Variants in TEX11 observed in about 807,000 individuals in gnomAD.
The protein encoded by TEX11 is testis expressed 11, also known as testis-expressed protein 11.
A neutral mutation model predicts 84.4 loss-of-function variants in TEX11; 7 were observed. The observed-to-expected ratio is 0.08, with a 90% confidence interval of 0.05 to 0.16. TEX11 has a LOEUF of 0.16. Among genes scored for constraint, TEX11 ranks in the 10% least tolerant of loss-of-function variants. The pLI, the probability that TEX11 is intolerant of heterozygous loss-of-function variation, is 1.00. For synonymous variants in TEX11, 264 were observed against 222.8 expected (o/e 1.18, Z -1.64); for missense variants, 551 against 660.5 (o/e 0.83, Z 1.82).
chrX:70,525,732 A>G (rs1275504516), downstream of TEX11, among the ~76,000 whole-genome samples: 1 of 112,427 alleles, frequency 8.9e-6, no homozygotes, highest in Non-Finnish European at 1.9e-5. Flanking sequence ...AAATGTATTT[A>G]TTTTAAGCTG....
intron 13 of TEX11, among the ~76,000 whole-genome samples, chrX:70,708,103 A>G (rs1382296840): frequency 1.8e-5 from 2 of 111,375 alleles, no homozygotes; most frequent in East Asian, 5.6e-4. Flanking sequence ...ATCAACAAGC[A>G]AAAAACAAAT....
intron 17 of TEX11, among the ~76,000 whole-genome samples, chrX:70,645,578 T>G (rs2089731524): frequency 9.0e-6 from 1 of 111,520 alleles, no homozygotes; most frequent in South Asian, 3.7e-4. Flanking sequence ...ATAAGTGAAT[T>G]CAATTAAGTA....
chrX:70,615,271 T>C (rs7062211), intron 20 of TEX11, among the ~76,000 whole-genome samples: 1 of 111,105 alleles, frequency 9.0e-6, no homozygotes, highest in African/African-American at 3.3e-5. Context: ...AAAATAGCTG[T>C]TTTGAGGAAA....
rs775537536 is a variant in TEX11 at position 70,539,038 on chromosome X, A to ATTTTTTTTTTT, written c.2521-9050_2521-9040dup. Among the ~76,000 whole-genome samples, 303 of 41,236 alleles carry ATTTTTTTTTTT rather than the reference A, an allele frequency of 7.3e-3. 9 individuals are homozygous for ATTTTTTTTTTT. The highest frequency in any genetic ancestry group is 0.026 in the African/African-American group (287 of 10,881). 35.8% of individuals were successfully genotyped at this position (41,236 alleles called of 115,157 possible). A position where few individuals can be genotyped will look rare whatever the true frequency, so the allele number is the denominator to read the frequency against. On this transcript the variant is annotated intron_variant, in intron 28 of 29. Transcript: ENST00000374333. ...CTTGGAAATATATATATATATATAT[A>ATTTTTTTTTTT]TTTTTTTTTTTTTTAAGATGGAGTC...
At chrX:70,833,465 T>C in intron 8 of TEX11, 48 bp downstream of exon 8, 1 of 1,049,718 alleles carries the variant, frequency 9.5e-7, no homozygotes, top group Non-Finnish European at 1.3e-6. Flanking sequence ...TTCCTGGAAC[T>C]TGATATAGCA....
chrX:70,534,349 G>A (rs1295853521), intron 28 of TEX11, among the ~76,000 whole-genome samples: 2 of 111,107 alleles, frequency 1.8e-5, no homozygotes, highest in African/African-American at 3.3e-5. Context: ...GAGTGAGGGA[G>A]GTGCTGAGGA....
At chrX:70,886,600 A>G (rs773114123) in intron 2 of TEX11, among the ~76,000 whole-genome samples, 5 of 112,035 alleles carry the variant, frequency 4.5e-5, no homozygotes, top group Non-Finnish European at 7.5e-5. Context: ...TACCACAATA[A>G]AAAAAGAAAT....
intron 9 of TEX11, among the ~76,000 whole-genome samples, chrX:70,751,257 G>C (rs1395655618): frequency 1.9e-5 from 2 of 107,163 alleles, no homozygotes; most frequent in African/African-American, 6.8e-5. Flanking sequence ...TGATAGACTG[G>C]ATTAAGAAAA....
intron 19 of TEX11, 28 bp from the exon 20 acceptor site, chrX:70,624,034 A>G: frequency 8.7e-7 from 1 of 1,154,403 alleles, no homozygotes; most frequent in Middle Eastern, 2.4e-4. Flanking sequence ...ATGGAAAGTG[A>G]TTCTTAGGTT....
Position 70,528,975 on chromosome X carries a change from C to T in TEX11, c.*120G>A. 1 of 512,766 alleles carries T rather than the reference C, an allele frequency of 2.0e-6. No homozygotes were observed. The highest frequency in any genetic ancestry group is 3.3e-6 in the Non-Finnish European group (1 of 307,234). The allele number at this position is 512,766 out of a possible 1,213,427, so 42.3% of individuals were successfully genotyped here. On this transcript the variant is annotated 3_prime_UTR_variant, in exon 30 of 30. Coordinates refer to ENST00000374333, the MANE Select transcript of TEX11 (RefSeq NM_031276.3). ...ATGCTTTTATTTTAGAAAGTTTATT[C>T]AACAACATGAAAACAGGGTCTGAGC...
intron 25 of TEX11, among the ~76,000 whole-genome samples, chrX:70,566,729 C>A (rs1239931985): frequency 9.0e-6 from 1 of 111,553 alleles, no homozygotes; most frequent in Non-Finnish European, 1.9e-5. Context: ...TATATTGAAC[C>A]AGCCTTGCAT....
In TEX11 at chrX:70,806,713, G is replaced by C; in HGVS notation, c.684C>G (p.Phe228Leu). ...TTTTTTGTTTATGTTACCTAAGCCAGAAAGAACTTTCTTCATATTTATTAT... is the reference window on the plus strand; with the variant it reads ...TTTTTTGTTTATGTTACCTAAGCCACAAAGAACTTTCTTCATATTTATTAT... ...QKNNKYEESS[F>L]WLSQSYDIGK... Residue 228 changes from phenylalanine (F) to leucine (L), a missense_variant, in exon 9 of 30, where the codon TTC becomes TTG. Transcript: ENST00000374333. 1 of 1,171,291 alleles carries C rather than the reference G, an allele frequency of 8.5e-7. No homozygotes were observed.
At chrX:70,526,405 C>T (rs1165839229), downstream of TEX11, among the ~76,000 whole-genome samples, 1 of 110,197 alleles carries the variant, frequency 9.1e-6, no homozygotes, top group African/African-American at 3.3e-5. Flanking sequence ...CTCGTCTCTA[C>T]TAAAAATACA....
At chrX:70,615,028 C>A (rs1348889243) in intron 20 of TEX11, among the ~76,000 whole-genome samples, 1 of 111,082 alleles carries the variant, frequency 9.0e-6, no homozygotes, top group East Asian at 2.8e-4. Flanking sequence ...GCTTAGATCA[C>A]AGCACCCAAG....
chrX:70,718,371 A>G (rs1312521990), intron 13 of TEX11, among the ~76,000 whole-genome samples: 1 of 112,424 alleles, frequency 8.9e-6, no homozygotes, highest in African/African-American at 3.2e-5. Context: ...AATCACTTCC[A>G]TCTCTGGACA....
chrX:70,865,866 G>A (rs1006223581), intron 4 of TEX11, among the ~76,000 whole-genome samples: 10 of 111,952 alleles, frequency 8.9e-5, no homozygotes, highest in Non-Finnish European at 1.9e-4. Context: ...CAACATACCA[G>A]AATCTCTGGG....
At chrX:70,577,088 A>G (rs2088684035) in intron 25 of TEX11, among the ~76,000 whole-genome samples, 1 of 111,889 alleles carries the variant, frequency 8.9e-6, no homozygotes, top group South Asian at 3.8e-4. Context: ...TTAGAACTTA[A>G]GTAAAAATTT....
At chrX:70,891,888 C>T (rs1359151395) in intron 2 of TEX11, among the ~76,000 whole-genome samples, 1 of 111,301 alleles carries the variant, frequency 9.0e-6, no homozygotes, top group Non-Finnish European at 1.9e-5. Context: ...GAAAACACTA[C>T]TAAGATAGTC....
chrX:70,743,262 T>G (rs922383878), intron 10 of TEX11, among the ~76,000 whole-genome samples: 8 of 112,332 alleles, frequency 7.1e-5, no homozygotes, highest in Non-Finnish European at 1.5e-4. Context: ...TGTAGTCACT[T>G]GTACTAGTTT....
Sources: gnomAD v4.1 joint callset for allele counts (sites outside exome capture counted in the v4.1 genomes callset) on GRCh38, gnomAD v4.1.1 for gene constraint, MANE v1.5 for transcripts, NCBI Gene and HGNC (gene_info 2026-07-23, HGNC 2026-07-21) for gene names.